Variants in CACNG2 observed in about 807,000 individuals in gnomAD.
The protein encoded by CACNG2 is calcium voltage-gated channel auxiliary subunit gamma 2, also known as voltage-dependent calcium channel gamma-2 subunit.
Under a neutral mutation model 25.9 loss-of-function variants are expected in CACNG2, and 3 were observed. The ratio of observed to expected loss-of-function variants is 0.12; its 90% CI spans 0.05 to 0.30. CACNG2 has a LOEUF of 0.30. CACNG2 is among the 10% of genes least tolerant of loss of function. The probability of loss-of-function intolerance (pLI) is 1.00; values close to 1 mark genes in which losing one functional copy is unlikely to be tolerated. For synonymous variants in CACNG2, 167 were observed against 173.3 expected (o/e 0.96, Z 0.29); for missense variants, 341 against 432.5 (o/e 0.79, Z 1.88).
At chr22:36,696,941 C>T (rs1937349700) in intron 1 of CACNG2, among the ~76,000 whole-genome samples, 1 of 152,126 alleles carries the variant, frequency 6.6e-6, no homozygotes, top group African/African-American at 2.4e-5. Flanking sequence ...AGGAAGTGAA[C>T]CCAGGTCTGT....
rs1194142554 is a variant in CACNG2, at chr22:36,638,971, GC to G, written c.212-51424del. 3.3e-5 allele frequency among the ~76,000 whole-genome samples: 5 copies of G among 152,264 alleles called. No individual in the cohort carries two copies. In the Middle Eastern group the frequency reaches 0.014, roughly 414 times the overall value. On this transcript the variant is annotated intron_variant, in intron 1 of 3. Transcript: ENST00000300105. ...AGTCATTCCCATCAATATTTACTAA[GC>G]ACCAACTGGGTGCTGAAGATGCAAA...
intron 1 of CACNG2, among the ~76,000 whole-genome samples, chr22:36,679,866 A>G (rs1164264523): frequency 2.6e-5 from 4 of 152,160 alleles, no homozygotes; most frequent in Non-Finnish European, 5.9e-5. Flanking sequence ...GACACCGTGA[A>G]GAGTTGTTCC....
At chr22:36,631,737 CTTT>C (rs131828) in intron 1 of CACNG2, among the ~76,000 whole-genome samples, 11 of 115,392 alleles carry the variant, frequency 9.5e-5, no homozygotes, top group Admixed American at 1.8e-4. Context: ...GTGAGCAACT[CTTT>C]TTTTTTTTTT....
intron 1 of CACNG2, among the ~76,000 whole-genome samples, chr22:36,650,774 C>T (rs1936599332): frequency 6.6e-6 from 1 of 152,232 alleles, no homozygotes; most frequent in Non-Finnish European, 1.5e-5. Flanking sequence ...TCTGCCTGGG[C>T]CTCCCAGAAT....
intron 1 of CACNG2, among the ~76,000 whole-genome samples, chr22:36,649,757 C>T (rs990612948): frequency 3.3e-5 from 5 of 152,192 alleles, no homozygotes; most frequent in African/African-American, 1.2e-4. Flanking sequence ...ATAAGTTTCA[C>T]GAGATATGGT....
At position 36,702,661 on chromosome 22, in the gene CACNG2, T is replaced by TAAATAA. The variant is rs1474817679; in HGVS notation, c.-91_-86dup. ...GTGCAAGTACTAAAGCCAAAAAAAATAAATAAAAATAAAAATTATTCCACT... is the reference window on the plus strand; with the variant it reads ...GTGCAAGTACTAAAGCCAAAAAAAATAAATAAAAATAAAAATAAAAATTATTCCACT... On this transcript the variant is annotated 5_prime_UTR_variant, in exon 1 of 4. Coordinates refer to ENST00000300105, the MANE Select transcript of CACNG2 (RefSeq NM_006078.5). 2 of 904,020 alleles carry TAAATAA rather than the reference T, an allele frequency of 2.2e-6. No individual in the cohort carries two copies. The highest frequency in any genetic ancestry group is 5.3e-5 in the East Asian group (2 of 38,068). 56.0% of individuals were successfully genotyped at this position (904,020 alleles called of 1,614,324 possible).
chr22:36,618,263 C>G (rs1414064139), intron 1 of CACNG2, among the ~76,000 whole-genome samples: 1 of 152,218 alleles, frequency 6.6e-6, no homozygotes, highest in South Asian at 2.1e-4. Context: ...TGGTGAAACC[C>G]AGAGGAAAGC....
intron 1 of CACNG2, among the ~76,000 whole-genome samples, chr22:36,616,443 G>T (rs570068376): frequency 6.6e-6 from 1 of 152,134 alleles, no homozygotes; most frequent in African/African-American, 2.4e-5. Context: ...CCATAGTCTA[G>T]CGCCTTACGA....
At chr22:36,697,048 A>T (rs1937350854) in intron 1 of CACNG2, among the ~76,000 whole-genome samples, 1 of 152,232 alleles carries the variant, frequency 6.6e-6, no homozygotes. Context: ...AAAATGCTTG[A>T]AAACATAAAC....
chr22:36,596,925 T>C (rs1010061536), intron 1 of CACNG2, among the ~76,000 whole-genome samples: 7 of 151,702 alleles, frequency 4.6e-5, no homozygotes, highest in Non-Finnish European at 1.5e-5. Flanking sequence ...AATTTTTGAA[T>C]TTTTTTTGTA....
At chr22:36,634,253 G>T (rs1027470455) in intron 1 of CACNG2, among the ~76,000 whole-genome samples, 2 of 152,174 alleles carry the variant, frequency 1.3e-5, no homozygotes, top group African/African-American at 4.8e-5. Context: ...CACAGGCCTG[G>T]GATCTGACCA....
intron 2 of CACNG2, among the ~76,000 whole-genome samples, chr22:36,570,546 G>A (rs1935208106): frequency 6.6e-6 from 1 of 151,968 alleles, no homozygotes; most frequent in Non-Finnish European, 1.5e-5. Flanking sequence ...GATCACCTGA[G>A]GTCAGGAGTT....
rs150179780 is a variant in CACNG2 at position 36,581,679 on chromosome 22, C to T, written c.295+5786G>A. 1.5e-3 allele frequency among the ~76,000 whole-genome samples: 227 copies of T among 152,294 alleles called. 1 individual carries two copies. Among genetic ancestry groups the T allele is most frequent in the South Asian group, 3.7e-3 (18 of 4,818 alleles). On this transcript the variant is annotated intron_variant, in intron 2 of 3. Coordinates refer to ENST00000300105, the MANE Select transcript of CACNG2 (RefSeq NM_006078.5). ...CTCATCTCACTGGCCCCTAAGCCTTCGTGGTGTCCTGGAGCTTAGTGTCTG... is the reference window on the plus strand; with the variant it reads ...CTCATCTCACTGGCCCCTAAGCCTTTGTGGTGTCCTGGAGCTTAGTGTCTG...
At chr22:36,597,596 C>T (rs1261495872) in intron 1 of CACNG2, among the ~76,000 whole-genome samples, 1 of 152,152 alleles carries the variant, frequency 6.6e-6, no homozygotes, top group African/African-American at 2.4e-5. Context: ...AATGTAGGTC[C>T]TCCTTCTTTT....
chr22:36,661,688 C>T (rs976608803), intron 1 of CACNG2, among the ~76,000 whole-genome samples: 1 of 152,202 alleles, frequency 6.6e-6, no homozygotes, highest in Admixed American at 6.5e-5. Context: ...CCGAGACTGA[C>T]AGTCCCCTAG....
intron 1 of CACNG2, among the ~76,000 whole-genome samples, chr22:36,641,851 C>T (rs1352874674): frequency 2.0e-5 from 3 of 152,182 alleles, no homozygotes; most frequent in Non-Finnish European, 2.9e-5. Flanking sequence ...AAATCCTGGT[C>T]ATTTACAGTT....
intron 1 of CACNG2, among the ~76,000 whole-genome samples, chr22:36,673,189 G>GCA (rs1936975844): frequency 6.6e-6 from 1 of 152,200 alleles, no homozygotes; most frequent in African/African-American, 2.4e-5. Context: ...TTGTGCCACT[G>GCA]CACTCCAGCC....
In CACNG2 at chr22:36,606,891, GTGTC is replaced by G. The variant is rs559345890; in HGVS notation, c.212-19347_212-19344del. ...TATGTCTGTGTGTGAGTCTGTGTGTGTGTCTGTGGTGTGTGTATGCATGTGTGTG... is the reference window on the plus strand; with the variant it reads ...TATGTCTGTGTGTGAGTCTGTGTGTGTGTGGTGTGTGTATGCATGTGTGTG... On this transcript the variant is annotated intron_variant, in intron 1 of 3. Transcript: ENST00000300105. This position sits in a 1 kb window ranked among gnomAD's most constrained non-coding sequence, Gnocchi z 5.7. 3.0e-4 allele frequency among the ~76,000 whole-genome samples: 46 copies of G among 151,674 alleles called. No individual in the cohort carries two copies. Among genetic ancestry groups the G allele is most frequent in the Non-Finnish European group, 4.7e-4 (32 of 67,856 alleles).
chr22:36,614,672 G>C (rs991391130), intron 1 of CACNG2, among the ~76,000 whole-genome samples: 5 of 152,110 alleles, frequency 3.3e-5, no homozygotes, highest in Non-Finnish European at 7.4e-5. Context: ...AGGGTGGTGG[G>C]AGCAGCAAGT....
Sources: gnomAD v4.1 joint callset for allele counts (sites outside exome capture counted in the v4.1 genomes callset) on GRCh38, gnomAD v4.1.1 for gene constraint, Gnocchi (gnomAD v3.1) non-coding constraint, MANE v1.5 for transcripts, NCBI Gene and HGNC (gene_info 2026-07-23, HGNC 2026-07-21) for gene names.